Variants in CCDC62 observed in about 807,000 individuals in gnomAD.
CCDC62 encodes the protein coiled-coil domain containing 62.
In CCDC62, 72 loss-of-function variants were observed where a neutral mutation model predicts 80.8. The ratio of observed to expected loss-of-function variants is 0.89; its 90% CI spans 0.74 to 1.08. The LOEUF is 1.08. Ranked by LOEUF, CCDC62 falls within the 50% of genes least tolerant of loss-of-function variation. The probability of loss-of-function intolerance (pLI) is 0.00; values close to 1 mark genes in which losing one functional copy is unlikely to be tolerated. For missense variants in CCDC62, 704 were observed against 809.4 expected (o/e 0.87, Z 1.58); for synonymous variants, 286 against 296.5 (o/e 0.96, Z 0.36).
chr12:122,795,647 A>C (rs1473004185), intron 6 of CCDC62, among the ~76,000 whole-genome samples: 1 of 151,638 alleles, frequency 6.6e-6, no homozygotes, highest in East Asian at 1.9e-4. Flanking sequence ...GATGGTCTTG[A>C]TTTCCTGACC....
chr12:122,806,807 T>C (rs1304248328), intron 10 of CCDC62, among the ~76,000 whole-genome samples: 1 of 59,202 alleles, frequency 1.7e-5, no homozygotes, highest in Non-Finnish European at 4.5e-5. Flanking sequence ...AGAAAAATTG[T>C]ATTTTTTTTT....
chr12:122,793,990 G>C (rs1373166619), intron 6 of CCDC62, among the ~76,000 whole-genome samples: 1 of 152,142 alleles, frequency 6.6e-6, no homozygotes, highest in Non-Finnish European at 1.5e-5. Flanking sequence ...CCTGCGATAT[G>C]CTCAGAAGCT....
Position 122,826,583 on chromosome 12 carries a change from T to G in CCDC62, c.*202T>G. 1 of 614,540 alleles carries G rather than the reference T, an allele frequency of 1.6e-6. No individual in the cohort carries two copies. Among genetic ancestry groups the G allele is most frequent in the South Asian group, 2.1e-5 (1 of 48,346 alleles). 38.1% of individuals were successfully genotyped at this position (614,540 alleles called of 1,614,324 possible). ...TAAACATCTACACTTCATTTTCAAG[T>G]TAACCATTTTTGTGCTGAAGAAATA... On this transcript the variant is annotated 3_prime_UTR_variant, in exon 13 of 13. Coordinates refer to ENST00000253079, the MANE Select transcript of CCDC62 (RefSeq NM_201435.5).
At chr12:122,819,909 A>G (rs546449910) in intron 11 of CCDC62, among the ~76,000 whole-genome samples, 1 of 151,632 alleles carries the variant, frequency 6.6e-6, no homozygotes, top group African/African-American at 2.4e-5. Context: ...GGTTTTTAAA[A>G]ACATTAGCGG....
At chr12:122,808,569 C>G (rs2031724712) in intron 10 of CCDC62, among the ~76,000 whole-genome samples, 1 of 151,934 alleles carries the variant, frequency 6.6e-6, no homozygotes, top group South Asian at 2.1e-4. Flanking sequence ...CTCTGTCGCC[C>G]AAGCTGGAGT....
Position 122,801,408 on chromosome 12 carries a change from C to T in CCDC62, c.1262C>T (p.Pro421Leu). The change falls in exon 9 of 13, where the codon CCC becomes CTC. Residue 421 changes from proline to leucine, a missense_variant. Coordinates refer to ENST00000253079, the MANE Select transcript of CCDC62 (RefSeq NM_201435.5). ...CTGGGAGGAAAAACCCAGATTGAACCCGAAAACAAAATTACATTGTGCAAG... is the reference window on the plus strand; with the variant it reads ...CTGGGAGGAAAAACCCAGATTGAACTCGAAAACAAAATTACATTGTGCAAG... Reference protein sequence around the residue: ...WSLGGKTQIEPENKITLCKIH... With the variant: ...WSLGGKTQIELENKITLCKIH... The T allele has an allele frequency of 6.2e-7, 1 of 1,613,732 alleles. No homozygotes were observed. Among genetic ancestry groups the T allele is most frequent in the Non-Finnish European group, 8.5e-7 (1 of 1,179,932 alleles).
intron 6 of CCDC62, among the ~76,000 whole-genome samples, chr12:122,795,248 A>G (rs2030866725): frequency 6.6e-6 from 1 of 151,260 alleles, no homozygotes; most frequent in African/African-American, 2.4e-5. Context: ...ACGTGGTTTC[A>G]TTGTGTTGCC....
intron 6 of CCDC62, 30 bp downstream of exon 6, chr12:122,792,151 C>T (rs751591984): frequency 7.5e-7 from 1 of 1,336,424 alleles, no homozygotes; most frequent in East Asian, 2.3e-5. Context: ...GTATTTGTAA[C>T]CTAGACTTGC....
At chr12:122,787,480 G>A (rs890643954) in intron 4 of CCDC62, among the ~76,000 whole-genome samples, 14 of 151,370 alleles carry the variant, frequency 9.2e-5, no homozygotes, top group African/African-American at 3.4e-4. Flanking sequence ...GGTCGGTCGT[G>A]GTGGCTCACA....
At chr12:122,810,569 G>T (rs904967036) in intron 10 of CCDC62, among the ~76,000 whole-genome samples, 33 of 71,570 alleles carry the variant, frequency 4.6e-4, no homozygotes, top group African/African-American at 1.3e-3. Context: ...TACACTGTTG[G>T]TGGGACTGTA....
chr12:122,779,132 T>C (rs1852376448), intron 2 of CCDC62, among the ~76,000 whole-genome samples: 1 of 152,244 alleles, frequency 6.6e-6, no homozygotes, highest in South Asian at 2.1e-4. Context: ...AAGATTTGAA[T>C]AGGCACCTCA....
At chr12:122,777,747 T>C in intron 2 of CCDC62, 64 bp downstream of exon 2, 1 of 1,444,884 alleles carries the variant, frequency 6.9e-7, no homozygotes, top group South Asian at 1.2e-5. Context: ...GATGGGCTCA[T>C]AGGGAAGATA....
intron 11 of CCDC62, among the ~76,000 whole-genome samples, chr12:122,818,856 G>A (rs150065939): frequency 4.5e-4 from 69 of 152,110 alleles, no homozygotes; most frequent in African/African-American, 1.4e-3. Context: ...CCAGGAGTTC[G>A]AGGCTACAGT....
Position 122,806,180 on chromosome 12 carries a change from CTT to C in CCDC62, c.1738_1739del (p.Leu580GlyfsTer11), listed in dbSNP as rs1593815496. 1.2e-6 allele frequency: 2 copies of C among 1,613,688 alleles called. No individual in the cohort carries two copies. Among genetic ancestry groups the C allele is most frequent in the Non-Finnish European group, 1.7e-6 (2 of 1,179,748 alleles). On this transcript the variant is annotated frameshift_variant, in exon 10 of 13. Transcript: ENST00000253079. LOFTEE classifies it high-confidence loss of function. ...CTAATTGCCATCCAAGATTCCCACT[CTT>C]TGGGTTCTTCAAAATCTGCCTTGAG...
chr12:122,781,171 A>G lies in CCDC62; in HGVS notation c.237A>G (p.Leu79=). 2 of 1,612,580 alleles carry G rather than the reference A, an allele frequency of 1.2e-6. No individual in the cohort carries two copies. Among genetic ancestry groups the G allele is most frequent in the Middle Eastern group, 3.3e-4 (2 of 6,052 alleles). ...EERCSKLEGE[L]HKRTEIIRSL... ...TTGATGAACTTCCCTCAGGTGAACT[A>G]CATAAAAGAACTGAAATAATCAGGT... Residue 79 remains leucine (L), a synonymous_variant, in exon 3 of 13, where the codon CTA becomes CTG. Coordinates refer to ENST00000253079, the MANE Select transcript of CCDC62 (RefSeq NM_201435.5).
chr12:122,812,560 G>T (rs11060142), intron 10 of CCDC62, among the ~76,000 whole-genome samples: 32,558 of 48,168 alleles, frequency 0.68, 11,631 homozygotes, highest in East Asian at 0.94. Flanking sequence ...CTAACGTGGT[G>T]AAACCCCGTC....
At chr12:122,796,417 T>G (rs571110634) in intron 6 of CCDC62, among the ~76,000 whole-genome samples, 1 of 152,120 alleles carries the variant, frequency 6.6e-6, no homozygotes, top group Admixed American at 6.6e-5. Context: ...TAGCTGGAAA[T>G]ATAACAAAAC....
rs2030173744 is a variant in CCDC62, at chr12:122,785,725, A to G, written c.403A>G (p.Asn135Asp). ...CTGTGTTGTTTTCTTGTAGGCTAGA[A>G]ACGAAACTCTCAGCAACACGTTAGT... ...SLLSEDLEAR[N>D]ETLSNTLVEL... The change falls in exon 4 of 13, where the codon AAC becomes GAC. Residue 135 changes from asparagine (N) to aspartate (D), a missense_variant. Transcript: ENST00000253079. 6.2e-7 allele frequency: 1 copy of G among 1,611,700 alleles called. No individual in the cohort carries two copies. Among genetic ancestry groups the G allele is most frequent in the African/African-American group, 1.3e-5 (1 of 74,870 alleles).
intron 1 of CCDC62, 43 bp from the exon 2 acceptor site, chr12:122,777,448 T>C (rs1879534560): frequency 1.3e-6 from 2 of 1,530,734 alleles, no homozygotes; most frequent in Non-Finnish European, 1.8e-6. Context: ...GATTTGTTAT[T>C]GATTTCATTC....
Sources: allele counts gnomAD v4.1 joint callset (sites outside exome capture counted in the v4.1 genomes callset), GRCh38; gene constraint gnomAD v4.1.1; transcripts MANE v1.5; gene names NCBI Gene and HGNC (gene_info 2026-07-23, HGNC 2026-07-21).